LIMS1: variants seen among roughly 807,000 people sequenced by gnomAD.
LIMS1 encodes LIM and senescent cell antigen-like-containing domain protein 1.
LIMS1 carries 18 observed loss-of-function variants against 44.1 expected under a neutral mutation model. That is an observed-to-expected ratio of 0.41 (90% CI 0.28 to 0.61). The LOEUF is 0.61. Ranked by LOEUF, LIMS1 falls within the 20% of genes least tolerant of loss-of-function variation. The pLI, the probability that LIMS1 is intolerant of heterozygous loss-of-function variation, is 0.32. For missense variants in LIMS1, 201 were observed against 422.0 expected, an observed-to-expected ratio of 0.48 and a Z score of 4.59; for synonymous variants, 93 against 149.1, an observed-to-expected ratio of 0.62 and a Z score of 2.74.
At chr2:108,676,016 G>A in exon 6 of LIMS1, 1 of 1,613,522 alleles carries the variant, frequency 6.2e-7, no homozygotes, top group Non-Finnish European at 8.5e-7. Context: ...TGGGCAAGCA[G>A]TGGCATGTGG....
At chr2:108,556,707 C>G (rs1684935667) in intron 1 of LIMS1, among the ~76,000 whole-genome samples, 1 of 152,176 alleles carries the variant, frequency 6.6e-6, no homozygotes, top group African/African-American at 2.4e-5. Flanking sequence ...GAGTAAACAG[C>G]AAACTGTTCT....
intron 1 of LIMS1, among the ~76,000 whole-genome samples, chr2:108,585,530 GAA>G (rs1686065315): frequency 6.6e-6 from 1 of 152,166 alleles, no homozygotes; most frequent in South Asian, 2.1e-4. Flanking sequence ...CGAAGTTTAA[GAA>G]GGTCCAGCCA....
chr2:108,602,185 T>C (rs1382977600), intron 1 of LIMS1, among the ~76,000 whole-genome samples: 3 of 152,234 alleles, frequency 2.0e-5, no homozygotes, highest in African/African-American at 7.2e-5. Context: ...TTATCAACTC[T>C]AATAGTTTTT....
intron 1 of LIMS1, among the ~76,000 whole-genome samples, chr2:108,646,897 A>G (rs1360434346): frequency 6.6e-6 from 1 of 151,896 alleles, no homozygotes; most frequent in African/African-American, 2.4e-5. Flanking sequence ...AATTTTTTGT[A>G]TTTTTAGTAG....
At chr2:108,675,448 A>G (rs1573616718) in intron 5 of LIMS1, among the ~76,000 whole-genome samples, 1 of 152,186 alleles carries the variant, frequency 6.6e-6, no homozygotes, top group Middle Eastern at 3.4e-3. Context: ...CACCCCTTAG[A>G]GGTCCTACCT....
intron 1 of LIMS1, among the ~76,000 whole-genome samples, chr2:108,557,466 C>T (rs567122277): frequency 2.6e-5 from 4 of 151,942 alleles, no homozygotes; most frequent in Non-Finnish European, 5.9e-5. Context: ...TATAAGATAT[C>T]GAACATATGA....
rs1171591304 is a variant in LIMS1, at chr2:108,534,598, C to T, written c.32+4C>T. The T allele has an allele frequency of 8.8e-7, 1 of 1,140,282 alleles. No homozygotes were observed. The highest frequency in any genetic ancestry group is 1.1e-6 in the Non-Finnish European group (1 of 923,584). The allele number at this position is 1,140,282 out of a possible 1,614,324, so 70.6% of individuals were successfully genotyped here. On this transcript the variant is annotated splice_donor_region_variant and intron_variant, in intron 1 of 9. Transcript: ENST00000544547. ...TGGCGGCCGGGATGACCCACAGGTA[C>T]GGGCCGCACCGCGCGGCCCCCGCCA...
At position 108,672,162 on chromosome 2, in the gene LIMS1, T is replaced by A. The variant is rs528453979; in HGVS notation, c.260-163T>A. 1.4e-4 allele frequency among the ~76,000 whole-genome samples: 9 copies of A among 62,314 alleles called. No homozygotes were observed. In the South Asian group the frequency reaches 2.7e-3, roughly 19 times the overall value. The allele number at this position is 62,314 out of a possible 152,430, so 40.9% of individuals were successfully genotyped here. On this transcript the variant is annotated intron_variant, in intron 3 of 9. Transcript: ENST00000544547. ...AGCCTGGACAACAAGAGCGAAACTGTCTCAAAAAAAAAAAAAAAAAAAAAA... is the reference window on the plus strand; with the variant it reads ...AGCCTGGACAACAAGAGCGAAACTGACTCAAAAAAAAAAAAAAAAAAAAAA...
rs181498041 is a variant in LIMS1, at chr2:108,631,726, T to C, written c.33-27879T>C. ...CAGGCTGTGATGCGTACGGCATCCA[T>C]GTTCTGGAGGGTTGTCTGCACACGT... On this transcript the variant is annotated intron_variant, in intron 1 of 9. Transcript: ENST00000544547. 1.5e-3 allele frequency among the ~76,000 whole-genome samples: 221 copies of C among 152,298 alleles called. 1 individual carries two copies. The highest frequency in any genetic ancestry group is 1.9e-3 in the Non-Finnish European group (131 of 68,022).
intron 2 of LIMS1, among the ~76,000 whole-genome samples, chr2:108,668,683 A>G (rs1030618557): frequency 9.2e-5 from 14 of 152,200 alleles, no homozygotes; most frequent in Non-Finnish European, 1.8e-4. Flanking sequence ...GAGAGTGCAG[A>G]TATCTCTTCC....
chr2:108,639,190 CAGA>C (rs1302294850), intron 1 of LIMS1, among the ~76,000 whole-genome samples: 1 of 152,154 alleles, frequency 6.6e-6, no homozygotes, highest in East Asian at 1.9e-4. Context: ...GGCTGCTGAA[CAGA>C]AGATCGATAA....
intron 1 of LIMS1, chr2:108,621,343 G>T (rs895088977): frequency 1.3e-6 from 2 of 1,549,944 alleles, no homozygotes; most frequent in East Asian, 4.9e-5. Flanking sequence ...CAATTGATGT[G>T]TGGAGAGAAG....
chr2:108,615,713 C>G (rs1256150986), intron 1 of LIMS1, among the ~76,000 whole-genome samples: 1 of 152,126 alleles, frequency 6.6e-6, no homozygotes, highest in Non-Finnish European at 1.5e-5. Context: ...AGATTTCTGA[C>G]TATATGAAGA....
intron 1 of LIMS1, among the ~76,000 whole-genome samples, chr2:108,542,509 A>G (rs563959236): frequency 2.6e-5 from 4 of 152,340 alleles, no homozygotes; most frequent in African/African-American, 9.6e-5. Context: ...AGTGCCCTGT[A>G]GAGCCCTGTG....
intron 1 of LIMS1, among the ~76,000 whole-genome samples, chr2:108,537,334 G>A (rs1467065519): frequency 1.3e-5 from 2 of 152,210 alleles, no homozygotes; most frequent in Non-Finnish European, 2.9e-5. Flanking sequence ...TGCAGGTATT[G>A]GGGATATTTA....
chr2:108,564,041 CAAA>C (rs201454363), intron 1 of LIMS1, among the ~76,000 whole-genome samples: 12 of 92,376 alleles, frequency 1.3e-4, no homozygotes, highest in South Asian at 3.7e-4. Flanking sequence ...GACCCTGTCT[CAAA>C]AAAAAAAAAA....
At chr2:108,543,633 ATC>A (rs994427573) in intron 1 of LIMS1, among the ~76,000 whole-genome samples, 1 of 152,190 alleles carries the variant, frequency 6.6e-6, no homozygotes, top group African/African-American at 2.4e-5. Flanking sequence ...GATGAAGTAA[ATC>A]TACTGAGGAT....
chr2:108,550,020 T>A (rs774722937), intron 1 of LIMS1, among the ~76,000 whole-genome samples: 28 of 152,166 alleles, frequency 1.8e-4, no homozygotes, highest in Non-Finnish European at 3.2e-4. Context: ...AAATGCCTGA[T>A]GATATCCTAG....
At chr2:108,620,289 G>A (rs1400538875) in intron 1 of LIMS1, among the ~76,000 whole-genome samples, 2 of 152,136 alleles carry the variant, frequency 1.3e-5, no homozygotes, top group Non-Finnish European at 2.9e-5. Context: ...TGTTCTTGTC[G>A]AGAAGGTTCT....
Sources: allele counts gnomAD v4.1 joint callset (sites outside exome capture counted in the v4.1 genomes callset), GRCh38; gene constraint gnomAD v4.1.1; transcripts MANE v1.5; gene names NCBI Gene and HGNC (gene_info 2026-07-23, HGNC 2026-07-21).